SLC37A1: variants seen among roughly 807,000 people sequenced by gnomAD.
SLC37A1 encodes solute carrier family 37 member 1, also known as glucose-6-phosphate exchanger SLC37A1.
A neutral mutation model predicts 75.3 loss-of-function variants in SLC37A1; 49 were observed. That is an observed-to-expected ratio of 0.65 (90% CI 0.52 to 0.83). The LOEUF (loss-of-function observed/expected upper bound fraction) is 0.83. Among genes scored for constraint, SLC37A1 ranks in the 40% least tolerant of loss-of-function variants. The pLI, the probability that SLC37A1 is intolerant of heterozygous loss-of-function variation, is 0.00. For synonymous variants in SLC37A1, 268 were observed against 292.1 expected, an observed-to-expected ratio of 0.92 and a Z score of 0.84; for missense variants, 566 against 695.0, an observed-to-expected ratio of 0.81 and a Z score of 2.09.
chr21:42,545,662 G>A lies in SLC37A1; in HGVS notation c.731-1441G>A, dbSNP rs1204088920. Among the ~76,000 whole-genome samples the A allele has an allele frequency of 6.6e-6, 1 of 152,234 alleles. No individual in the cohort carries two copies. Among genetic ancestry groups the A allele is most frequent in the African/African-American group, 2.4e-5 (1 of 41,454 alleles). On this transcript the variant is annotated intron_variant, in intron 8 of 19. Coordinates refer to ENST00000352133, the MANE Select transcript of SLC37A1 (RefSeq NM_001320537.2). The surrounding 1 kb of genome is among the most constrained non-coding windows in gnomAD (Gnocchi z 4.0). The stretch of plus-strand genomic sequence containing the variant: ...CAAGTCCCTGAAGGTGAAAGTCCAG[G>A]AAGAGCCATATCAGGGGAAGCCCCT...
At position 42,545,952 on chromosome 21, in the gene SLC37A1, CAA is replaced by C. The variant is rs987664916; in HGVS notation, c.731-1150_731-1149del. On this transcript the variant is annotated intron_variant, in intron 8 of 19. Coordinates refer to ENST00000352133, the MANE Select transcript of SLC37A1 (RefSeq NM_001320537.2). The surrounding 1 kb of genome is among the most constrained non-coding windows in gnomAD (Gnocchi z 4.0). Reference sequence around the variant, plus strand: ...AATAACCTTATCAACAAAACCCAGACAAGAGGTTTGATGCTGGCCTCGAGGCC... The same window carrying C: ...AATAACCTTATCAACAAAACCCAGACGAGGTTTGATGCTGGCCTCGAGGCC... Among the ~76,000 whole-genome samples, 3 of 152,226 alleles carry C rather than the reference CAA, an allele frequency of 2.0e-5. No homozygotes were observed. The highest frequency in any genetic ancestry group is 7.2e-5 in the African/African-American group (3 of 41,456).
intron 18 of SLC37A1, among the ~76,000 whole-genome samples, chr21:42,579,484 G>A (rs1172118708): frequency 5.8e-5 from 2 of 34,458 alleles, no homozygotes; most frequent in Non-Finnish European, 1.7e-4. Flanking sequence ...TGTTTTCAGG[G>A]CAGCTCCTGG....
intron 9 of SLC37A1, among the ~76,000 whole-genome samples, chr21:42,551,036 G>A (rs756778393): frequency 2.6e-4 from 39 of 152,306 alleles, no homozygotes; most frequent in East Asian, 5.8e-4. Context: ...TGCTCTTGCC[G>A]TTTCTATTTA....
intron 8 of SLC37A1, among the ~76,000 whole-genome samples, chr21:42,546,766 G>A (rs1182136976): frequency 2.6e-5 from 4 of 152,186 alleles, no homozygotes; most frequent in East Asian, 1.9e-4. Flanking sequence ...TTTCTGAAAC[G>A]AATGCCAATT....
chr21:42,512,138 C>A (rs556169228), upstream of SLC37A1, among the ~76,000 whole-genome samples: 12 of 140,358 alleles, frequency 8.5e-5, no homozygotes, highest in South Asian at 1.7e-3. Context: ...AATAATTTTA[C>A]AATGTATTCA....
intron 17 of SLC37A1, among the ~76,000 whole-genome samples, chr21:42,571,874 T>TGCCCC (rs1219698188): frequency 6.6e-6 from 1 of 152,186 alleles, no homozygotes; most frequent in Non-Finnish European, 1.5e-5. Flanking sequence ...CATCCTGCCC[T>TGCCCC]GCCCCACCCC....
At chr21:42,507,014 C>G (rs2054389722) in intron 2 of SLC37A1, among the ~76,000 whole-genome samples, 1 of 152,190 alleles carries the variant, frequency 6.6e-6, no homozygotes, top group African/African-American at 2.4e-5. Context: ...TCCCAAGTAG[C>G]TGGGATTACA....
At chr21:42,567,353 C>T (rs1175462667) in intron 16 of SLC37A1, among the ~76,000 whole-genome samples, 1 of 152,234 alleles carries the variant, frequency 6.6e-6, no homozygotes, top group African/African-American at 2.4e-5. Context: ...GAGGTCCTGT[C>T]CTGGACGCCT....
intron 12 of SLC37A1, among the ~76,000 whole-genome samples, chr21:42,562,782 C>CCTCTCGG (rs57867177): frequency 1.3e-5 from 2 of 151,648 alleles, no homozygotes; most frequent in African/African-American, 4.9e-5. Context: ...TGAGAGGAAG[C>CCTCTCGG]GGGGATGGTC....
rs1386775711 is a variant in SLC37A1, at chr21:42,580,359, G to A, written c.1601G>A (p.Ter534=). 1 of 1,613,348 alleles carries A rather than the reference G, an allele frequency of 6.2e-7. No individual in the cohort carries two copies. Among genetic ancestry groups the A allele is most frequent in the Non-Finnish European group, 8.5e-7 (1 of 1,179,814 alleles). The change falls in exon 20 of 20, where the codon TGA becomes TAA. Residue 534 remains the stop codon, a stop_retained_variant. Transcript: ENST00000352133. ...TGDQVPFKEQ[*] is the part of the protein sequence containing the mutation. ...CTTTCTTTCAGATTTAAGGAACAGT[G>A]ACACCCCACCCCAGTCCCGTGGAGG...
Position 42,549,504 on chromosome 21 carries a change from C to T in SLC37A1, c.768+2364C>T, listed in dbSNP as rs949839105. ...CCAGAGAAACAGCTTCTCGTCCTCT[C>T]TCCTCTCCATGTTGGCTGGTCGCAG... On this transcript the variant is annotated intron_variant, in intron 9 of 19. Transcript: ENST00000352133. Among the ~76,000 whole-genome samples the T allele has an allele frequency of 2.6e-5, 4 of 152,362 alleles. No individual in the cohort carries two copies. In the East Asian group the frequency reaches 5.8e-4, roughly 22 times the overall value.
intron 10 of SLC37A1, among the ~76,000 whole-genome samples, chr21:42,556,536 G>A (rs2146954976): frequency 6.6e-6 from 1 of 152,334 alleles, no homozygotes; most frequent in East Asian, 1.9e-4. Flanking sequence ...GTGTATTTTT[G>A]TTGTGTGTGG....
rs2055434539 is a variant in SLC37A1 at position 42,547,305 on chromosome 21, G to A, written c.768+165G>A. On this transcript the variant is annotated intron_variant, in intron 9 of 19. Transcript: ENST00000352133. The surrounding 1 kb of genome is among the most constrained non-coding windows in gnomAD (Gnocchi z 6.1). Reference sequence around the variant, plus strand: ...AGGAATAGAGAATATTCTGTTTTGGGTTTCGCTGATAATAACCTTATCAGC... The same window carrying A: ...AGGAATAGAGAATATTCTGTTTTGGATTTCGCTGATAATAACCTTATCAGC... The A allele has an allele frequency of 4.1e-6, 3 of 732,990 alleles. No individual in the cohort carries two copies. 45.4% of individuals were successfully genotyped at this position (732,990 alleles called of 1,614,324 possible).
In SLC37A1 at chr21:42,566,998, C is replaced by G. The variant is rs751456344; in HGVS notation, c.1284C>G (p.Leu428=). ...TGCCTCCCACAGCCATGCTGCTGCT[C>G]AGCGGAGCCCTGGTCAGTGGGCCCT... The part of the protein sequence containing the change: ...GLEATIAMLL[L]SGALVSGPYT... The change falls in exon 16 of 20, where the codon CTC becomes CTG. Residue 428 remains leucine, a synonymous_variant. Coordinates refer to ENST00000352133, the MANE Select transcript of SLC37A1 (RefSeq NM_001320537.2). The G allele has an allele frequency of 1.2e-6, 2 of 1,607,794 alleles. No homozygotes were observed. The highest frequency in any genetic ancestry group is 4.5e-5 in the East Asian group (2 of 44,878).
At chr21:42,546,984 G>A in intron 8 of SLC37A1, 119 bp from the exon 9 acceptor site, 1 of 1,170,892 alleles carries the variant, frequency 8.5e-7, no homozygotes, top group African/African-American at 1.5e-5. Context: ...TGTGAATCCT[G>A]CATACAGTCC....
At chr21:42,567,791 T>C (rs1431969167) in intron 16 of SLC37A1, among the ~76,000 whole-genome samples, 1 of 152,204 alleles carries the variant, frequency 6.6e-6, no homozygotes, top group Non-Finnish European at 1.5e-5. Context: ...TTTTTTCCCA[T>C]TGTCTATGCA....
chr21:42,579,200 C>A (rs2056366740), intron 18 of SLC37A1, among the ~76,000 whole-genome samples: 2 of 152,212 alleles, frequency 1.3e-5, no homozygotes, highest in Admixed American at 6.5e-5. Flanking sequence ...AAGCCCTGGG[C>A]CCCGGCCAGG....
chr21:42,567,198 C>T (rs2056002347), intron 16 of SLC37A1, 140 bp downstream of exon 16: 3 of 807,630 alleles, frequency 3.7e-6, no homozygotes, highest in African/African-American at 3.4e-5. Context: ...CTGTGGTCTC[C>T]AGCCTTCCCG....
chr21:42,574,923 G>C lies in SLC37A1; in HGVS notation c.1521+8G>C. 1.2e-6 allele frequency: 2 copies of C among 1,613,842 alleles called. No individual in the cohort carries two copies. Among genetic ancestry groups the C allele is most frequent in the Non-Finnish European group, 1.7e-6 (2 of 1,179,894 alleles). ...GATGCCTGTGCCTTACTGGTAAGTCGGCCTATTTTTAGTCCAATCCACCTT... is the reference window on the plus strand; with the variant it reads ...GATGCCTGTGCCTTACTGGTAAGTCCGCCTATTTTTAGTCCAATCCACCTT... On this transcript the variant is annotated splice_region_variant and intron_variant, in intron 18 of 19. Transcript: ENST00000352133.
Sources: allele counts gnomAD v4.1 joint callset (sites outside exome capture counted in the v4.1 genomes callset), GRCh38; gene constraint gnomAD v4.1.1; non-coding constraint Gnocchi (gnomAD v3.1); transcripts MANE v1.5; gene names NCBI Gene and HGNC (gene_info 2026-07-23, HGNC 2026-07-21).